Variants in OCA2 observed in about 807,000 individuals in gnomAD.
OCA2 encodes the protein OCA2 melanosomal transmembrane protein, also known as P protein.
OCA2 carries 77 observed loss-of-function variants against 100.2 expected under a neutral mutation model. That is an observed-to-expected ratio of 0.77 (90% confidence interval 0.64 to 0.93). OCA2 has a LOEUF of 0.93. OCA2 is among the 40% of genes least tolerant of loss of function. The probability of loss-of-function intolerance (pLI) is 0.00; values close to 1 mark genes in which losing one functional copy is unlikely to be tolerated. For missense variants in OCA2, 1,062 were observed against 1,089.1 expected, an observed-to-expected ratio of 0.98 and a Z score of 0.35; for synonymous variants, 432 against 439.2, an observed-to-expected ratio of 0.98 and a Z score of 0.21.
chr15:27,778,619 G>A (rs764243237), intron 23 of OCA2, among the ~76,000 whole-genome samples: 1 of 152,114 alleles, frequency 6.6e-6, no homozygotes, highest in African/African-American at 2.4e-5. Flanking sequence ...ATGTGGTCCT[G>A]TCAGAGGTCA....
chr15:28,004,445 C>T (rs1046091486), intron 9 of OCA2, among the ~76,000 whole-genome samples: 9 of 152,180 alleles, frequency 5.9e-5, no homozygotes, highest in East Asian at 1.9e-4. Context: ...CCTGCGGGGA[C>T]GCCAGCGGGG....
chr15:28,087,918 C>T (rs1441868969), intron 1 of OCA2, among the ~76,000 whole-genome samples: 3 of 151,986 alleles, frequency 2.0e-5, no homozygotes, highest in Non-Finnish European at 4.4e-5. Flanking sequence ...AAAAAATAGC[C>T]AGGCGTGGTG....
intron 23 of OCA2, among the ~76,000 whole-genome samples, chr15:27,812,032 G>A (rs563324523): frequency 6.6e-6 from 1 of 152,218 alleles, no homozygotes; most frequent in African/African-American, 2.4e-5. Context: ...TTGGATTTGT[G>A]CATTCCATAA....
chr15:27,924,990 G>GA (rs1391854407), intron 19 of OCA2, among the ~76,000 whole-genome samples: 2 of 151,958 alleles, frequency 1.3e-5, no homozygotes, highest in African/African-American at 4.8e-5. Flanking sequence ...CATTACCAGA[G>GA]AAAAAGAGAC....
chr15:27,746,753 G>C, the OCA2 span, among the ~76,000 whole-genome samples: 16 of 152,298 alleles, frequency 1.1e-4, no homozygotes, highest in South Asian at 3.3e-3. Context: ...TGATGCAGCA[G>C]TGGAGACAGC....
intron 1 of OCA2, among the ~76,000 whole-genome samples, chr15:28,091,343 C>T (rs530718686): frequency 6.6e-6 from 1 of 152,164 alleles, no homozygotes; most frequent in Non-Finnish European, 1.5e-5. Context: ...TACCCTGATA[C>T]CAAAATCAGA....
chr15:28,003,217 A>G (rs1005500632), intron 9 of OCA2, among the ~76,000 whole-genome samples: 1 of 152,266 alleles, frequency 6.6e-6, no homozygotes, highest in Non-Finnish European at 1.5e-5. Flanking sequence ...CTCAGAAGCT[A>G]TAGAAGCTTA....
chr15:28,085,183 G>T (rs1345813643), intron 1 of OCA2, among the ~76,000 whole-genome samples: 2 of 152,058 alleles, frequency 1.3e-5, no homozygotes, highest in African/African-American at 2.4e-5. Context: ...CCCCAGTACT[G>T]CCCAGCAATC....
chr15:27,926,332 T>A, intron 18 of OCA2, 78 bp from the exon 19 acceptor site: 1 of 1,483,276 alleles, frequency 6.7e-7, no homozygotes, highest in Non-Finnish European at 9.4e-7. Flanking sequence ...TCTGGTTGCC[T>A]TTTTCTTTAT....
At chr15:27,919,563 G>A (rs1595646674) in intron 19 of OCA2, among the ~76,000 whole-genome samples, 1 of 152,162 alleles carries the variant, frequency 6.6e-6, no homozygotes, top group Non-Finnish European at 1.5e-5. Flanking sequence ...AGACATTCTG[G>A]AAAATTCAAA....
At chr15:27,948,668 G>A (rs1221988713) in intron 18 of OCA2, among the ~76,000 whole-genome samples, 1 of 152,020 alleles carries the variant, frequency 6.6e-6, no homozygotes, top group Non-Finnish European at 1.5e-5. Context: ...ATTTTGCCAT[G>A]TTGCCCAGGC....
Position 27,988,291 on chromosome 15 carries a change from G to A in OCA2, c.1182+1310C>T, listed in dbSNP as rs1297265279. Among the ~76,000 whole-genome samples the A allele has an allele frequency of 6.6e-5, 10 of 151,980 alleles. No individual in the cohort carries two copies. In the East Asian group the frequency reaches 1.4e-3, roughly 21 times the overall value. Reference sequence around the variant, plus strand: ...TGAACTGAATTCCACCGAGAAAAACGTGCTGAAGCCATTTTTATAGGCTGT... The same window carrying A: ...TGAACTGAATTCCACCGAGAAAAACATGCTGAAGCCATTTTTATAGGCTGT... On this transcript the variant is annotated intron_variant, in intron 11 of 23. Transcript: ENST00000354638.
the OCA2 span, among the ~76,000 whole-genome samples, chr15:27,722,780 T>TCTCTCTCTCTCTCTCTC: frequency 1.5e-5 from 2 of 134,210 alleles, no homozygotes; most frequent in Admixed American, 7.8e-5. Flanking sequence ...TTTTCTTTCT[T>TCTCTCTCTCTCTCTCTC]TCTCTCTCTC....
chr15:27,786,294 GTGT>G (rs1595407977), intron 23 of OCA2, among the ~76,000 whole-genome samples: 1 of 152,068 alleles, frequency 6.6e-6, no homozygotes, highest in East Asian at 1.9e-4. Flanking sequence ...TTTTAGAATC[GTGT>G]TGTTAATTTC....
chr15:27,988,281 C>T (rs1371239678), intron 11 of OCA2, among the ~76,000 whole-genome samples: 2 of 152,104 alleles, frequency 1.3e-5, no homozygotes, highest in Admixed American at 6.5e-5. Flanking sequence ...TGAATTCCAC[C>T]GAGAAAAACG....
At chr15:27,774,514 C>T (rs1393614950) in intron 23 of OCA2, among the ~76,000 whole-genome samples, 1 of 152,166 alleles carries the variant, frequency 6.6e-6, no homozygotes, top group Non-Finnish European at 1.5e-5. Flanking sequence ...AGACCATTTC[C>T]ACTTCTCTGA....
intron 9 of OCA2, among the ~76,000 whole-genome samples, chr15:27,995,609 T>C (rs1227110013): frequency 1.3e-5 from 2 of 151,894 alleles, no homozygotes; most frequent in African/African-American, 4.8e-5. Context: ...AAGCTGGTCT[T>C]GAACTCCTGG....
chr15:27,855,074 T>G (rs1221292854), intron 21 of OCA2, among the ~76,000 whole-genome samples: 1 of 152,224 alleles, frequency 6.6e-6, no homozygotes, highest in South Asian at 2.1e-4. Flanking sequence ...TCAAAAAGTA[T>G]GCTCTGACAT....
chr15:27,946,636 A>G (rs2039847667), intron 18 of OCA2, among the ~76,000 whole-genome samples: 1 of 152,158 alleles, frequency 6.6e-6, no homozygotes. Context: ...TCATTCAATC[A>G]AACTCCTTTA....
Sources: gnomAD v4.1 joint callset for allele counts (sites outside exome capture counted in the v4.1 genomes callset) on GRCh38, gnomAD v4.1.1 for gene constraint, MANE v1.5 for transcripts, NCBI Gene and HGNC (gene_info 2026-07-23, HGNC 2026-07-21) for gene names.